Variants in PKHD1 observed in about 807,000 individuals in gnomAD.
The protein encoded by PKHD1 is PKHD1 ciliary IPT domain containing fibrocystin/polyductin, also known as fibrocystin.
PKHD1 carries 291 observed loss-of-function variants against 412.0 expected under a neutral mutation model. The ratio of observed to expected loss-of-function variants is 0.71; its 90% CI spans 0.64 to 0.78. PKHD1 has a LOEUF of 0.78. Among genes scored for constraint, PKHD1 ranks in the 30% least tolerant of loss-of-function variants. PKHD1 has a pLI of 0.00. For missense variants in PKHD1, 4,825 were observed against 4,950.7 expected, an observed-to-expected ratio of 0.97 and a Z score of 0.76; for synonymous variants, 1,777 against 1,821.5, an observed-to-expected ratio of 0.98 and a Z score of 0.62.
chr6:51,955,779 AC>A (rs1791028360), intron 36 of PKHD1, among the ~76,000 whole-genome samples: 1 of 152,084 alleles, frequency 6.6e-6, no homozygotes, highest in African/African-American at 2.4e-5. Context: ...CCATTATAAT[AC>A]TTCATATTTT....
intron 63 of PKHD1, among the ~76,000 whole-genome samples, chr6:51,639,922 GTCTT>G (rs1244702590): frequency 6.6e-6 from 1 of 151,960 alleles, no homozygotes; most frequent in Admixed American, 6.6e-5. Context: ...TGAAAACACT[GTCTT>G]TCTTCATCAA....
intron 60 of PKHD1, among the ~76,000 whole-genome samples, chr6:51,743,983 C>A (rs1002665789): frequency 1.3e-5 from 2 of 152,076 alleles, no homozygotes; most frequent in South Asian, 4.1e-4. Flanking sequence ...ATTGAGAGAG[C>A]GCTTTAAGTC....
intron 60 of PKHD1, among the ~76,000 whole-genome samples, chr6:51,694,948 TAA>T (rs11317601): frequency 2.6e-5 from 4 of 151,958 alleles, no homozygotes; most frequent in South Asian, 2.1e-4. Flanking sequence ...GCACTGACTA[TAA>T]AAAAAATTGG....
rs766854057 is a variant in PKHD1 at position 51,847,853 on chromosome 6, G to A, written c.8029C>T (p.Pro2677Ser). The change falls in exon 50 of 67, where the codon CCA becomes TCA. Residue 2677 changes from proline (P) to serine (S), a missense_variant. Physicochemically the swap from Pro to Ser is moderately conservative, Grantham distance 74 (BLOSUM62 -1). Coordinates refer to ENST00000371117, the MANE Select transcript of PKHD1 (RefSeq NM_138694.4). ...RCGSRVGLSF[P>S]FLPSPGQNQG... Reference sequence around the variant, plus strand: ...TTCTGACCTGGTGATGGAAGAAATGGAAAAGACAGACCCACTCGACTCCCA... The same window carrying A: ...TTCTGACCTGGTGATGGAAGAAATGAAAAAGACAGACCCACTCGACTCCCA... 5 of 1,613,910 alleles carry A rather than the reference G, an allele frequency of 3.1e-6. No individual in the cohort carries two copies. The highest frequency in any genetic ancestry group is 8.5e-7 in the Non-Finnish European group (1 of 1,179,926).
intron 35 of PKHD1, among the ~76,000 whole-genome samples, chr6:51,981,550 C>G (rs1367678835): frequency 6.6e-6 from 1 of 151,070 alleles, no homozygotes; most frequent in Non-Finnish European, 1.5e-5. Flanking sequence ...AGCTCCTAGC[C>G]GCGAGTGATC....
At chr6:52,046,566 G>A (rs1349972104) in intron 23 of PKHD1, among the ~76,000 whole-genome samples, 1 of 152,210 alleles carries the variant, frequency 6.6e-6, no homozygotes, top group Non-Finnish European at 1.5e-5. Context: ...CTGGCCCTGT[G>A]AACAGAGAAA....
At chr6:51,788,931 C>T (rs1224358973) in intron 53 of PKHD1, among the ~76,000 whole-genome samples, 1 of 152,048 alleles carries the variant, frequency 6.6e-6, no homozygotes, top group Non-Finnish European at 1.5e-5. Context: ...ATGAAGGTGC[C>T]CAGAGGTTGA....
intron 54 of PKHD1, 84 bp downstream of exon 54, chr6:51,775,724 T>C: frequency 1.3e-6 from 1 of 746,156 alleles, no homozygotes. Context: ...ATATGTTCTA[T>C]GAATAGTATT....
At chr6:51,920,272 A>T (rs1784483096) in intron 37 of PKHD1, among the ~76,000 whole-genome samples, 1 of 152,214 alleles carries the variant, frequency 6.6e-6, no homozygotes. Flanking sequence ...TTTGTCATAG[A>T]TAGCTCTTAT....
intron 63 of PKHD1, among the ~76,000 whole-genome samples, chr6:51,642,776 G>T (rs1317404049): frequency 6.6e-6 from 1 of 152,118 alleles, no homozygotes. Flanking sequence ...GGAGGCAGAG[G>T]TTGCAGTGAG....
chr6:51,694,000 A>G (rs1778478347), intron 60 of PKHD1, among the ~76,000 whole-genome samples: 1 of 152,112 alleles, frequency 6.6e-6, no homozygotes, highest in African/African-American at 2.4e-5. Flanking sequence ...TTATTTTACT[A>G]TATAAACAAT....
intron 50 of PKHD1, among the ~76,000 whole-genome samples, chr6:51,845,278 T>G (rs766856123): frequency 2.0e-5 from 3 of 152,214 alleles, no homozygotes; most frequent in Non-Finnish European, 4.4e-5. Flanking sequence ...CAACCCAGTA[T>G]AGCTACATGG....
rs189657938 is a variant in PKHD1 at position 51,707,481 on chromosome 6, T to G, written c.10156+36904A>C. On this transcript the variant is annotated intron_variant, in intron 60 of 66. Transcript: ENST00000371117. Reference sequence around the variant, plus strand: ...TATCAAGAAATCTTGCTCCCGTACTTTTACTCTAAGTCTACTGACTTATCC... The same window carrying G: ...TATCAAGAAATCTTGCTCCCGTACTGTTACTCTAAGTCTACTGACTTATCC... Among the ~76,000 whole-genome samples, 176 of 152,278 alleles carry G rather than the reference T, an allele frequency of 1.2e-3. 1 individual carries two copies. Among genetic ancestry groups the G allele is most frequent in the Middle Eastern group, 6.8e-3 (2 of 294 alleles).
At chr6:51,683,613 T>A (rs773542618) in intron 60 of PKHD1, among the ~76,000 whole-genome samples, 4 of 152,186 alleles carry the variant, frequency 2.6e-5, no homozygotes, top group Admixed American at 6.6e-5. Context: ...TTGGATGATG[T>A]ATGGCATAGA....
At chr6:51,732,863 A>G (rs1783389310) in intron 60 of PKHD1, among the ~76,000 whole-genome samples, 1 of 152,246 alleles carries the variant, frequency 6.6e-6, no homozygotes, top group African/African-American at 2.4e-5. Flanking sequence ...TATTTACAAT[A>G]GCTAAAACAT....
intron 60 of PKHD1, among the ~76,000 whole-genome samples, chr6:51,696,718 C>T (rs774791136): frequency 2.0e-5 from 3 of 151,966 alleles, no homozygotes; most frequent in Non-Finnish European, 2.9e-5. Context: ...GGAATGTGGC[C>T]CTAGAGAACT....
intron 53 of PKHD1, among the ~76,000 whole-genome samples, chr6:51,780,144 C>T (rs9367452): frequency 0.59 from 89,068 of 151,868 alleles, 26,869 homozygotes; most frequent in East Asian, 0.83. Flanking sequence ...TCCCAGCACT[C>T]TGGGAGGCCG....
chr6:51,935,723 C>G (rs1421436221), intron 36 of PKHD1, among the ~76,000 whole-genome samples: 1 of 152,214 alleles, frequency 6.6e-6, no homozygotes, highest in Non-Finnish European at 1.5e-5. Context: ...ATGCTACAAA[C>G]ATATTGGCCT....
intron 55 of PKHD1, 122 bp from the exon 56 acceptor site, chr6:51,755,060 GA>G: frequency 3.4e-6 from 3 of 875,894 alleles, no homozygotes; most frequent in Non-Finnish European, 5.8e-6. Flanking sequence ...AACTGAAATA[GA>G]AATAAGACAT....
Sources: gnomAD v4.1 joint callset for allele counts (sites outside exome capture counted in the v4.1 genomes callset) on GRCh38, gnomAD v4.1.1 for gene constraint, MANE v1.5 for transcripts, NCBI Gene and HGNC (gene_info 2026-07-23, HGNC 2026-07-21) for gene names.